ZNF618: variants seen among roughly 807,000 people sequenced by gnomAD.
ZNF618 encodes zinc finger protein 618.
A neutral mutation model predicts 103.0 loss-of-function variants in ZNF618; 34 were observed. The observed-to-expected ratio is 0.33, with a 90% CI of 0.25 to 0.44. The LOEUF (loss-of-function observed/expected upper bound fraction) is 0.44. ZNF618 is among the 20% of genes least tolerant of loss of function. The probability of loss-of-function intolerance (pLI) is 1.00; values close to 1 mark genes in which losing one functional copy is unlikely to be tolerated. For missense variants in ZNF618, 1,059 were observed against 1,295.4 expected, an observed-to-expected ratio of 0.82 and a Z score of 2.80; for synonymous variants, 551 against 542.2, an observed-to-expected ratio of 1.02 and a Z score of -0.23.
intron 1 of ZNF618, among the ~76,000 whole-genome samples, chr9:113,938,502 T>C (rs1312996508): frequency 6.6e-6 from 1 of 151,910 alleles, no homozygotes; most frequent in African/African-American, 2.4e-5. Flanking sequence ...TCTTAATAGG[T>C]TTGCTTATTA....
At chr9:113,998,419 C>T in intron 4 of ZNF618, 65 bp downstream of exon 4, 3 of 1,430,270 alleles carry the variant, frequency 2.1e-6, no homozygotes, top group Non-Finnish European at 2.9e-6. Context: ...CAGCTGGACA[C>T]AGCCATCAGT....
At position 114,036,152 on chromosome 9, in the gene ZNF618, C is replaced by CG. The variant is rs1193245915; in HGVS notation, c.1169-143dup. On this transcript the variant is annotated intron_variant, in intron 12 of 14. Transcript: ENST00000374126. The stretch of plus-strand genomic sequence containing the variant: ...AGCTTCTCCCTCATGGGTCTAGTGA[C>CG]GGGGGAGGCAGGCAGGCTGGGCCCG... 1.0e-5 allele frequency: 7 copies of CG among 670,730 alleles called. No individual in the cohort carries two copies. In the South Asian group the frequency reaches 1.1e-4, roughly 10 times the overall value. The allele number at this position is 670,730 out of a possible 1,614,324, so 41.5% of individuals were successfully genotyped here. A position where few individuals can be genotyped will look rare whatever the true frequency, so the allele number is the denominator to read the frequency against.
At chr9:114,023,138 A>G (rs1015576418) in intron 10 of ZNF618, among the ~76,000 whole-genome samples, 9 of 152,014 alleles carry the variant, frequency 5.9e-5, no homozygotes, top group Non-Finnish European at 1.3e-4. Context: ...TACTATATTA[A>G]TATGGTTAGA....
intron 1 of ZNF618, among the ~76,000 whole-genome samples, 153 bp downstream of exon 1, chr9:113,876,566 C>G (rs1236171446): frequency 6.6e-6 from 1 of 151,674 alleles, no homozygotes; most frequent in Non-Finnish European, 1.5e-5. Context: ...GGGTCGGGGT[C>G]CGGAGAGCAC....
At chr9:113,999,547 T>C (rs1840974804) in intron 4 of ZNF618, among the ~76,000 whole-genome samples, 2 of 152,172 alleles carry the variant, frequency 1.3e-5, no homozygotes, top group Admixed American at 1.3e-4. Context: ...CATGACTCCT[T>C]CTGTGGGGTG....
rs1033147249 is a variant in ZNF618 at position 114,016,010 on chromosome 9, G to C, written c.755-685G>C. On this transcript the variant is annotated intron_variant, in intron 9 of 14. Coordinates refer to ENST00000374126, the MANE Select transcript of ZNF618 (RefSeq NM_001318042.2). ...GGGGACCAGGGCACCCTCCCCCAAG[G>C]GGGTAGATGCTGCTCTTTGTTTGGG... The C allele has an allele frequency of 9.9e-5, 110 of 1,108,590 alleles. No homozygotes were observed. The South Asian group carries it at 1.6e-3, about 16-fold the overall frequency. 68.7% of individuals were successfully genotyped at this position (1,108,590 alleles called of 1,614,324 possible).
At chr9:113,986,964 G>A (rs1839546204) in intron 2 of ZNF618, among the ~76,000 whole-genome samples, 1 of 152,246 alleles carries the variant, frequency 6.6e-6, no homozygotes, top group Non-Finnish European at 1.5e-5. Context: ...TGTAGATGGA[G>A]GACTGGAGCC....
intron 13 of ZNF618, among the ~76,000 whole-genome samples, chr9:114,042,950 G>A (rs1845344026): frequency 6.6e-6 from 1 of 152,106 alleles, no homozygotes; most frequent in African/African-American, 2.4e-5. Context: ...TTGTAGTTTT[G>A]CCTTTAGTGG....
intron 13 of ZNF618, 64 bp from the exon 14 acceptor site, chr9:114,047,829 C>T: frequency 7.1e-7 from 1 of 1,408,666 alleles, no homozygotes; most frequent in East Asian, 2.5e-5. Flanking sequence ...CTCTAGTTCT[C>T]ATCTCGTTCC....
intron 10 of ZNF618, among the ~76,000 whole-genome samples, chr9:114,020,269 TA>T (rs1193055996): frequency 2.0e-5 from 3 of 152,206 alleles, no homozygotes; most frequent in African/African-American, 4.8e-5. Flanking sequence ...TCAGCATTGT[TA>T]TTTTTTAAGA....
rs1483457595 is a variant in ZNF618, at chr9:113,888,147, A to G, written c.33+11734A>G. On this transcript the variant is annotated intron_variant, in intron 1 of 14. Coordinates refer to ENST00000374126, the MANE Select transcript of ZNF618 (RefSeq NM_001318042.2). Reference sequence around the variant, plus strand: ...GGATTCAAATTTAGGTGGCCACCATATTCTAAGCTCACAACACCACTTTGA... The same window carrying G: ...GGATTCAAATTTAGGTGGCCACCATGTTCTAAGCTCACAACACCACTTTGA... 3.3e-5 allele frequency among the ~76,000 whole-genome samples: 5 copies of G among 152,220 alleles called. No homozygotes were observed. The East Asian group carries it at 9.6e-4, about 29-fold the overall frequency.
intron 1 of ZNF618, 39 bp downstream of exon 1, chr9:113,876,452 C>T (rs931891779): frequency 8.4e-6 from 10 of 1,190,294 alleles, no homozygotes; most frequent in Non-Finnish European, 9.4e-6. Flanking sequence ...GCGCGGGGGA[C>T]CCCGGGGGGC....
intron 6 of ZNF618, among the ~76,000 whole-genome samples, chr9:114,003,931 G>A (rs958553880): frequency 6.6e-6 from 1 of 152,192 alleles, no homozygotes; most frequent in Admixed American, 6.5e-5. Context: ...CAGGAACAGA[G>A]ATAATATGTA....
intron 1 of ZNF618, among the ~76,000 whole-genome samples, chr9:113,928,850 C>T (rs1257172081): frequency 6.6e-6 from 1 of 152,154 alleles, no homozygotes; most frequent in African/African-American, 2.4e-5. Context: ...GCCTGCATCC[C>T]TGGGCTGTGA....
At chr9:114,042,977 A>C (rs1225816909) in intron 13 of ZNF618, among the ~76,000 whole-genome samples, 2 of 152,146 alleles carry the variant, frequency 1.3e-5, no homozygotes, top group Non-Finnish European at 2.9e-5. Context: ...TTATATATGG[A>C]GTTCTACGGT....
At chr9:114,040,142 T>G (rs1845013880) in intron 13 of ZNF618, among the ~76,000 whole-genome samples, 1 of 150,918 alleles carries the variant, frequency 6.6e-6, no homozygotes, top group South Asian at 2.1e-4. Context: ...CTAAGTCCTA[T>G]GGAAGGGCAG....
At chr9:114,023,207 T>C (rs1474889278) in intron 10 of ZNF618, among the ~76,000 whole-genome samples, 5 of 152,058 alleles carry the variant, frequency 3.3e-5, no homozygotes, top group Non-Finnish European at 7.4e-5. Flanking sequence ...TTCATCTTTT[T>C]CTTATTTTCG....
chr9:113,987,944 G>A (rs1271865408), intron 2 of ZNF618, among the ~76,000 whole-genome samples: 1 of 152,166 alleles, frequency 6.6e-6, no homozygotes, highest in Non-Finnish European at 1.5e-5. Context: ...TGAGGTCTAA[G>A]TACTGATTTC....
chr9:113,904,235 C>T (rs1379701389), intron 1 of ZNF618, among the ~76,000 whole-genome samples: 2 of 150,078 alleles, frequency 1.3e-5, no homozygotes, highest in Middle Eastern at 3.5e-3. Context: ...TTTTTAATCC[C>T]AGGCATTGTA....
Sources: gnomAD v4.1 joint callset for allele counts (sites outside exome capture counted in the v4.1 genomes callset) on GRCh38, gnomAD v4.1.1 for gene constraint, MANE v1.5 for transcripts, NCBI Gene and HGNC (gene_info 2026-07-23, HGNC 2026-07-21) for gene names.